Variants in PLSCR4 observed in about 807,000 individuals in gnomAD.
The protein encoded by PLSCR4 is phospholipid scramblase 4.
In PLSCR4, 25 loss-of-function variants were observed where a neutral mutation model predicts 36.3. The ratio of observed to expected loss-of-function variants is 0.69; its 90% CI spans 0.50 to 0.96. PLSCR4 has a LOEUF of 0.96. PLSCR4 is among the 40% of genes least tolerant of loss of function. The probability of loss-of-function intolerance (pLI) is 0.00; values close to 1 mark genes in which losing one functional copy is unlikely to be tolerated. For missense variants in PLSCR4, 408 were observed against 414.7 expected (o/e 0.98, Z 0.14); for synonymous variants, 122 against 132.9 (o/e 0.92, Z 0.56).
intron 1 of PLSCR4, among the ~76,000 whole-genome samples, chr3:146,230,148 G>A (rs748037161): frequency 1.3e-5 from 2 of 152,198 alleles, no homozygotes; most frequent in South Asian, 4.2e-4. Context: ...CAAATTCTGG[G>A]TGTTTAGAGT....
intron 3 of PLSCR4, among the ~76,000 whole-genome samples, chr3:146,217,271 G>A (rs978880906): frequency 1.3e-5 from 2 of 152,116 alleles, no homozygotes; most frequent in Non-Finnish European, 1.5e-5. Flanking sequence ...ATGCAGAGAA[G>A]GTATACTACG....
At chr3:146,227,728 C>T (rs528769463) in intron 1 of PLSCR4, among the ~76,000 whole-genome samples, 11 of 152,168 alleles carry the variant, frequency 7.2e-5, no homozygotes, top group African/African-American at 2.7e-4. Context: ...CATTCTAAAA[C>T]TCTGGGTCCT....
At chr3:146,194,826 A>G (rs1197360753) in intron 8 of PLSCR4, among the ~76,000 whole-genome samples, 1 of 152,200 alleles carries the variant, frequency 6.6e-6, no homozygotes, top group African/African-American at 2.4e-5. Flanking sequence ...AATGACAAAT[A>G]ACATGCAATG....
At chr3:146,216,171 C>T (rs1423167767) in intron 3 of PLSCR4, among the ~76,000 whole-genome samples, 1 of 152,140 alleles carries the variant, frequency 6.6e-6, no homozygotes, top group East Asian at 1.9e-4. Flanking sequence ...GCGGAGGTTA[C>T]AGTTAGCCGA....
At chr3:146,196,611 A>G (rs1209958862) in intron 7 of PLSCR4, 21 bp downstream of exon 7, 5 of 1,610,048 alleles carry the variant, frequency 3.1e-6, no homozygotes, top group Non-Finnish European at 4.2e-6. Context: ...TATCAGAAAC[A>G]CTATTTTTAC....
At chr3:146,249,476 C>A (rs2107878126) in intron 1 of PLSCR4, among the ~76,000 whole-genome samples, 1 of 152,190 alleles carries the variant, frequency 6.6e-6, no homozygotes, top group African/African-American at 2.4e-5. Flanking sequence ...TCTTCCATGT[C>A]TCTTCAGTTT....
At chr3:146,196,516 T>C in intron 7 of PLSCR4, 116 bp downstream of exon 7, 2 of 958,640 alleles carry the variant, frequency 2.1e-6, no homozygotes, top group South Asian at 3.3e-5. Flanking sequence ...ATTAACTCTT[T>C]CCTAACACTA....
At chr3:146,225,199 A>G (rs1283052485) in intron 1 of PLSCR4, among the ~76,000 whole-genome samples, 3 of 152,150 alleles carry the variant, frequency 2.0e-5, no homozygotes, top group Admixed American at 2.0e-4. Flanking sequence ...CCTGAGCTAG[A>G]CATAAAGGTT....
At chr3:146,211,252 G>A (rs1182269100) in intron 3 of PLSCR4, among the ~76,000 whole-genome samples, 1 of 151,994 alleles carries the variant, frequency 6.6e-6, no homozygotes, top group African/African-American at 2.4e-5. Context: ...ATCTTAGTGG[G>A]TATGAAGTTG....
chr3:146,213,593 G>A (rs1338647286), intron 3 of PLSCR4, among the ~76,000 whole-genome samples: 1 of 152,148 alleles, frequency 6.6e-6, no homozygotes, highest in Non-Finnish European at 1.5e-5. Context: ...AAAGTGCTGG[G>A]ATTACAGGCG....
rs144494771 is a variant in PLSCR4 at position 146,244,869 on chromosome 3, G to C, written c.-22+6091C>G. Among the ~76,000 whole-genome samples the C allele has an allele frequency of 2.4e-3, 360 of 152,218 alleles. 3 individuals are homozygous for C. Among genetic ancestry groups the C allele is most frequent in the African/African-American group, 8.5e-3 (352 of 41,568 alleles). ...GAAAGCAAAGACAGGCCAAAAGCTA[G>C]GCCTAGATTCCTCTGATGAATCTAG... On this transcript the variant is annotated intron_variant, in intron 1 of 8. Coordinates refer to ENST00000354952, the MANE Select transcript of PLSCR4 (RefSeq NM_020353.3).
At chr3:146,217,404 G>A (rs1415648683) in intron 3 of PLSCR4, among the ~76,000 whole-genome samples, 1 of 152,234 alleles carries the variant, frequency 6.6e-6, no homozygotes, top group Non-Finnish European at 1.5e-5. Context: ...GAACTGCTGT[G>A]TGTGGAGATT....
At chr3:146,200,377 C>T (rs2033980294) in intron 5 of PLSCR4, among the ~76,000 whole-genome samples, 2 of 151,886 alleles carry the variant, frequency 1.3e-5, no homozygotes, top group East Asian at 1.9e-4. Context: ...ATACATTTGA[C>T]CATTAATTAA....
At chr3:146,214,492 T>A (rs1383124008) in intron 3 of PLSCR4, among the ~76,000 whole-genome samples, 1 of 152,092 alleles carries the variant, frequency 6.6e-6, no homozygotes, top group Non-Finnish European at 1.5e-5. Flanking sequence ...TTAGCTCATA[T>A]GTTTTGGCAT....
chr3:146,205,875 A>G (rs761041698), intron 4 of PLSCR4, among the ~76,000 whole-genome samples: 14 of 152,018 alleles, frequency 9.2e-5, no homozygotes, highest in Admixed American at 2.6e-4. Context: ...AGTTTCAGAC[A>G]TGGGTTTTTA....
intron 1 of PLSCR4, among the ~76,000 whole-genome samples, chr3:146,239,134 T>C (rs1195665536): frequency 6.6e-6 from 1 of 152,198 alleles, no homozygotes; most frequent in African/African-American, 2.4e-5. Flanking sequence ...ATCTTAATAT[T>C]GTTAAAATAG....
intron 2 of PLSCR4, among the ~76,000 whole-genome samples, chr3:146,221,694 A>G (rs2055656639): frequency 6.6e-6 from 1 of 152,186 alleles, no homozygotes; most frequent in Admixed American, 6.5e-5. Context: ...TACAAGGCCT[A>G]CTTTCATCCT....
At position 146,195,280 on chromosome 3, in the gene PLSCR4, G is replaced by C. The variant is rs775587106; in HGVS notation, c.789C>G (p.Val263=). The C allele has an allele frequency of 3.6e-5, 58 of 1,611,674 alleles. No homozygotes were observed. In the South Asian group the frequency reaches 5.1e-4, roughly 14 times the overall value. Residue 263 remains valine (V), a splice_region_variant and synonymous_variant, in exon 8 of 9, where the codon GTC becomes GTG. Transcript: ENST00000354952. ...YGCGSDSVFE[V]KSLDGISNIG... ...TGTTGGATATGCCATCAAGGGATTTGACCTGGAATGACAAGAATGTGCCTT... is the reference window on the plus strand; with the variant it reads ...TGTTGGATATGCCATCAAGGGATTTCACCTGGAATGACAAGAATGTGCCTT...
At chr3:146,211,479 T>C (rs1034869873) in intron 3 of PLSCR4, among the ~76,000 whole-genome samples, 25 of 152,150 alleles carry the variant, frequency 1.6e-4, no homozygotes, top group African/African-American at 6.0e-4. Flanking sequence ...TTGCAAGTGT[T>C]TTCTCTCATT....
Sources: allele counts gnomAD v4.1 joint callset (sites outside exome capture counted in the v4.1 genomes callset), GRCh38; gene constraint gnomAD v4.1.1; transcripts MANE v1.5; gene names NCBI Gene and HGNC (gene_info 2026-07-23, HGNC 2026-07-21).